The following RUNDC3B variants were observed in gnomAD, a reference collection of about 807,000 sequenced individuals.
The protein encoded by RUNDC3B is RUN domain-containing protein 3B.
In RUNDC3B, 33 loss-of-function variants were observed where a neutral mutation model predicts 58.4. That is an observed-to-expected ratio of 0.56 (90% CI 0.43 to 0.75). The LOEUF is 0.75. RUNDC3B is among the 30% of genes least tolerant of loss of function. The pLI is 0.00. For synonymous variants in RUNDC3B, 193 were observed against 195.2 expected, an observed-to-expected ratio of 0.99 and a Z score of 0.10; for missense variants, 501 against 535.7, an observed-to-expected ratio of 0.94 and a Z score of 0.64.
chr7:87,693,249 C>G (rs904670201), intron 2 of RUNDC3B, among the ~76,000 whole-genome samples: 3 of 151,994 alleles, frequency 2.0e-5, no homozygotes, highest in Non-Finnish European at 4.4e-5. Context: ...GAAGCTGTAA[C>G]AAATAAAACA....
intron 6 of RUNDC3B, among the ~76,000 whole-genome samples, chr7:87,757,381 A>G (rs2130846526): frequency 6.6e-6 from 1 of 152,306 alleles, no homozygotes; most frequent in East Asian, 1.9e-4. Flanking sequence ...TAGCATTTCT[A>G]TATGCCAACA....
intron 3 of RUNDC3B, among the ~76,000 whole-genome samples, chr7:87,703,912 TGGTTTTTTTTTTTTTTTTTTTTTTTTTTG>T (rs2130711771): frequency 1.6e-5 from 1 of 62,764 alleles, no homozygotes; most frequent in African/African-American, 7.4e-5. Context: ...TTTTTTTTTT[TGGTTTTTTTTTTTTTTTTTTTTTTTTTTG>T]AGACAGTCTA....
At chr7:87,820,313 A>G (rs1045231836) in intron 10 of RUNDC3B, among the ~76,000 whole-genome samples, 26 of 152,206 alleles carry the variant, frequency 1.7e-4, no homozygotes, top group African/African-American at 6.3e-4. Flanking sequence ...TCCTCGACAC[A>G]TACACCATCC....
chr7:87,688,665 T>C (rs1827714551), intron 2 of RUNDC3B, among the ~76,000 whole-genome samples: 1 of 152,020 alleles, frequency 6.6e-6, no homozygotes, highest in Non-Finnish European at 1.5e-5. Flanking sequence ...CATTTGAGAC[T>C]TTATGATTTC....
At chr7:87,823,348 C>T (rs1837599374) in intron 10 of RUNDC3B, among the ~76,000 whole-genome samples, 1 of 152,054 alleles carries the variant, frequency 6.6e-6, no homozygotes, top group African/African-American at 2.4e-5. Context: ...GGAGCAAACA[C>T]ACTGTCTATG....
intron 6 of RUNDC3B, among the ~76,000 whole-genome samples, chr7:87,760,359 T>G (rs1771065936): frequency 6.6e-6 from 1 of 152,132 alleles, no homozygotes; most frequent in African/African-American, 2.4e-5. Flanking sequence ...AAGATATACT[T>G]GTTAATGAAT....
intron 2 of RUNDC3B, among the ~76,000 whole-genome samples, chr7:87,677,803 A>G (rs541289785): frequency 6.6e-6 from 1 of 152,352 alleles, no homozygotes; most frequent in South Asian, 2.1e-4. Flanking sequence ...TGCCAGAGAA[A>G]TATAATTTAT....
intron 8 of RUNDC3B, among the ~76,000 whole-genome samples, chr7:87,787,374 C>A (rs971060604): frequency 1.3e-5 from 2 of 151,934 alleles, no homozygotes; most frequent in African/African-American, 4.8e-5. Context: ...AAGGAAAAGG[C>A]CAGAGAAGGA....
intron 2 of RUNDC3B, among the ~76,000 whole-genome samples, chr7:87,680,693 C>T (rs1438123084): frequency 6.7e-6 from 1 of 150,000 alleles, no homozygotes; most frequent in Admixed American, 6.7e-5. Context: ...ACTTAGGAGG[C>T]TGAAGGCAGG....
At chr7:87,829,826 C>A (rs1838038786) in intron 10 of RUNDC3B, 59 bp from the exon 11 acceptor site, 10 of 1,243,606 alleles carry the variant, frequency 8.0e-6, no homozygotes, top group South Asian at 1.4e-5. Context: ...GTTTTAGGAT[C>A]TTATTTGTAT....
At chr7:87,816,081 C>T (rs1319062867) in intron 9 of RUNDC3B, 60 bp from the exon 10 acceptor site, 2 of 1,224,556 alleles carry the variant, frequency 1.6e-6, no homozygotes, top group East Asian at 4.7e-5. Flanking sequence ...TAAATAACCA[C>T]TCAAGAAATT....
In RUNDC3B at chr7:87,790,775, T is replaced by C. The variant is rs143101369; in HGVS notation, c.956+12820T>C. ...AATTAGTGAACTCAAAGACAGGCTATTTGAAAATTCAGAGTCAGAGGAGAC... is the reference window on the plus strand; with the variant it reads ...AATTAGTGAACTCAAAGACAGGCTACTTGAAAATTCAGAGTCAGAGGAGAC... On this transcript the variant is annotated intron_variant, in intron 8 of 10. Transcript: ENST00000394654. Among the ~76,000 whole-genome samples the C allele has an allele frequency of 8.6e-3, 1,308 of 152,032 alleles. 11 individuals carry two copies. Among genetic ancestry groups the C allele is most frequent in the Admixed American group, 0.016 (246 of 15,256 alleles).
At chr7:87,664,154 A>G (rs894836624) in intron 2 of RUNDC3B, among the ~76,000 whole-genome samples, 2 of 152,014 alleles carry the variant, frequency 1.3e-5, no homozygotes, top group African/African-American at 2.4e-5. Context: ...TTTTAAAATA[A>G]TATTAAATTA....
chr7:87,691,742 G>A (rs1314841826), intron 2 of RUNDC3B, among the ~76,000 whole-genome samples: 3 of 152,142 alleles, frequency 2.0e-5, no homozygotes, highest in Non-Finnish European at 4.4e-5. Context: ...CCTTCTTTCT[G>A]GGGTTGTCAG....
chr7:87,662,938 T>G (rs894450875), intron 2 of RUNDC3B, among the ~76,000 whole-genome samples: 129 of 152,272 alleles, frequency 8.5e-4, no homozygotes, highest in African/African-American at 2.9e-3. Context: ...CAGTGTTTTA[T>G]AGTTTTCATT....
At chr7:87,681,619 A>T (rs567159372) in intron 2 of RUNDC3B, among the ~76,000 whole-genome samples, 2 of 150,744 alleles carry the variant, frequency 1.3e-5, no homozygotes, top group East Asian at 3.9e-4. Context: ...TCAGCAAGTC[A>T]TTACCTTTTT....
intron 3 of RUNDC3B, among the ~76,000 whole-genome samples, chr7:87,700,807 T>TAATATC (rs1563144489): frequency 3.3e-5 from 5 of 152,210 alleles, no homozygotes; most frequent in Non-Finnish European, 7.3e-5. Context: ...TATTTTTATA[T>TAATATC]AATATCAACC....
chr7:87,774,989 A>C (rs1404798612), intron 7 of RUNDC3B, among the ~76,000 whole-genome samples: 2 of 152,264 alleles, frequency 1.3e-5, no homozygotes, highest in Non-Finnish European at 2.9e-5. Context: ...TAATGATAAT[A>C]AAATACTATG....
At chr7:87,828,272 G>C (rs913228977) in intron 10 of RUNDC3B, among the ~76,000 whole-genome samples, 1 of 152,050 alleles carries the variant, frequency 6.6e-6, no homozygotes, top group Admixed American at 6.6e-5. Context: ...TTTGTTACAT[G>C]GGTATATTGT....
Sources: allele counts gnomAD v4.1 joint callset (sites outside exome capture counted in the v4.1 genomes callset), GRCh38; gene constraint gnomAD v4.1.1; transcripts MANE v1.5; gene names NCBI Gene and HGNC (gene_info 2026-07-23, HGNC 2026-07-21).